The following MEAK7 variants were observed in gnomAD, a reference collection of about 807,000 sequenced individuals.
MEAK7 encodes the protein MTOR associated protein MEAK7.
MEAK7 carries 68 observed loss-of-function variants against 40.5 expected under a neutral mutation model. The observed-to-expected ratio is 1.68, with a 90% CI of 1.38 to 2.06. The LOEUF (loss-of-function observed/expected upper bound fraction) is 2.06, where lower values mean the gene tolerates loss of function less well. Ranked by LOEUF, MEAK7 falls within the 30% of genes most tolerant of loss-of-function variation. MEAK7 has a pLI of 0.00. For missense variants in MEAK7, 918 were observed against 580.5 expected (o/e 1.58, Z -5.98); for synonymous variants, 338 against 231.9 (o/e 1.46, Z -4.16).
At chr16:84,496,510 C>G (rs955691805) in intron 2 of MEAK7, among the ~76,000 whole-genome samples, 2 of 152,174 alleles carry the variant, frequency 1.3e-5, no homozygotes, top group African/African-American at 4.8e-5. Flanking sequence ...AGCCACTCCA[C>G]GTGTGTCCAT....
At chr16:84,494,931 T>A in intron 3 of MEAK7, 4 of 414,752 alleles carry the variant, frequency 9.6e-6, no homozygotes, top group South Asian at 7.1e-5. Context: ...AGAAACTGCC[T>A]TTCCCTTTGT....
intron 2 of MEAK7, chr16:84,497,691 G>T (rs1352424985): frequency 1.4e-6 from 2 of 1,465,132 alleles, no homozygotes; most frequent in African/African-American, 1.4e-5. Flanking sequence ...AACGGGGAGG[G>T]ATGCGTTTAG....
intron 6 of MEAK7, among the ~76,000 whole-genome samples, chr16:84,481,493 G>T (rs923758127): frequency 6.6e-6 from 1 of 152,174 alleles, no homozygotes; most frequent in South Asian, 2.1e-4. Context: ...TTTCCAGAAG[G>T]TGCCAGGTGT....
intron 3 of MEAK7, among the ~76,000 whole-genome samples, chr16:84,495,331 A>G (rs775578137): frequency 6.6e-6 from 1 of 152,218 alleles, no homozygotes; most frequent in African/African-American, 2.4e-5. Flanking sequence ...GATCATATGT[A>G]AAGTGCTGAT....
chr16:84,500,983 T>A (rs370383), intron 1 of MEAK7, among the ~76,000 whole-genome samples: 2 of 151,212 alleles, frequency 1.3e-5, no homozygotes, highest in African/African-American at 4.9e-5. Flanking sequence ...TAATCCCAGC[T>A]ACTTGGGAGG....
chr16:84,482,147 A>C (rs1912613260), intron 6 of MEAK7, among the ~76,000 whole-genome samples: 2 of 152,010 alleles, frequency 1.3e-5, no homozygotes, highest in South Asian at 4.2e-4. Flanking sequence ...AGCTGAAGCG[A>C]GGGCTGGACA....
At chr16:84,480,268 T>C (rs910291225) in intron 7 of MEAK7, among the ~76,000 whole-genome samples, 1 of 152,012 alleles carries the variant, frequency 6.6e-6, no homozygotes, top group African/African-American at 2.4e-5. Flanking sequence ...CTCTTGCAGG[T>C]GGGCAGAGAG....
At chr16:84,483,883 G>A (rs1597927027) in intron 5 of MEAK7, among the ~76,000 whole-genome samples, 1 of 152,184 alleles carries the variant, frequency 6.6e-6, no homozygotes, top group East Asian at 1.9e-4. Context: ...GAGGAAGGAG[G>A]ATAGTTAGGC....
At chr16:84,492,569 T>TTTTTTTTA (rs1555513770) in intron 3 of MEAK7, among the ~76,000 whole-genome samples, 3 of 146,810 alleles carry the variant, frequency 2.0e-5, no homozygotes, top group Non-Finnish European at 4.5e-5. Context: ...AAGTGTTTTA[T>TTTTTTTTA]TTTATTTATT....
intron 6 of MEAK7, among the ~76,000 whole-genome samples, chr16:84,481,535 T>C (rs1350919498): frequency 6.6e-6 from 1 of 152,162 alleles, no homozygotes; most frequent in African/African-American, 2.4e-5. Context: ...CCTCCCTCTC[T>C]CCAGGGCAGC....
At position 84,495,828 on chromosome 16, in the gene MEAK7, T is replaced by C. The variant is rs1913996438; in HGVS notation, c.239A>G (p.Lys80Arg). 6.2e-7 allele frequency: 1 copy of C among 1,614,102 alleles called. No individual in the cohort carries two copies. The highest frequency in any genetic ancestry group is 1.1e-5 in the South Asian group (1 of 91,074). ...CTGGGACACGTTCTCACTGGGTCCC[T>C]TCGCCTTCCCTGTCAGGTCGACCCT... is the stretch of plus-strand genomic sequence containing the variant. ...MRRVDLTGKA[K>R]GPSENVSQEQ... Residue 80 changes from lysine to arginine, a missense_variant, in exon 3 of 8, where the codon AAG becomes AGG. Physicochemically the swap from Lys to Arg is conservative, Grantham distance 26. Coordinates refer to ENST00000343629, the MANE Select transcript of MEAK7 (RefSeq NM_020947.4).
At chr16:84,499,059 G>A (rs1360593209) in intron 1 of MEAK7, among the ~76,000 whole-genome samples, 2 of 152,226 alleles carry the variant, frequency 1.3e-5, no homozygotes, top group African/African-American at 4.8e-5. Flanking sequence ...GACCGTGCCT[G>A]TATGATCCCG....
At chr16:84,500,747 G>T (rs976979520) in intron 1 of MEAK7, among the ~76,000 whole-genome samples, 1 of 152,140 alleles carries the variant, frequency 6.6e-6, no homozygotes. Context: ...GCTGTCCCCA[G>T]CTCTGAAACA....
intron 4 of MEAK7, among the ~76,000 whole-genome samples, chr16:84,488,587 G>GT (rs1942982051): frequency 6.6e-6 from 1 of 152,060 alleles, no homozygotes; most frequent in African/African-American, 2.4e-5. Context: ...ATAATACAAA[G>GT]TATCTTCTCT....
chr16:84,494,945 T>G (rs1440235039), intron 3 of MEAK7: 2 of 401,384 alleles, frequency 5.0e-6, no homozygotes, highest in African/African-American at 4.2e-5. Context: ...CCTTTGTTCC[T>G]AAGCAGACAG....
In MEAK7 at chr16:84,480,722, C is replaced by T. The variant is rs1012053573; in HGVS notation, c.1078-14G>A. 3.7e-6 allele frequency: 6 copies of T among 1,603,472 alleles called. No individual in the cohort carries two copies. Among genetic ancestry groups the T allele is most frequent in the South Asian group, 1.1e-5 (1 of 89,414 alleles). ...CCCCCCCATACCCTGCAAAGGAAGC[C>T]AGGACAGAGAATAGCATCAGCAACT... On this transcript the variant is annotated splice_polypyrimidine_tract_variant and intron_variant, in intron 6 of 7. Transcript: ENST00000343629.
intron 3 of MEAK7, among the ~76,000 whole-genome samples, chr16:84,491,481 GTGA>G (rs1913596353): frequency 6.7e-6 from 1 of 149,036 alleles, no homozygotes; most frequent in Admixed American, 6.8e-5. Flanking sequence ...AGAGGTTGTA[GTGA>G]GCTGAGGTTG....
chr16:84,495,601 G>C, intron 3 of MEAK7, 82 bp downstream of exon 3: 1 of 1,333,220 alleles, frequency 7.5e-7, no homozygotes, highest in Admixed American at 1.8e-5. Flanking sequence ...TCCTCCATGT[G>C]CCATGTAACT....
chr16:84,480,400 C>A, intron 7 of MEAK7, 129 bp downstream of exon 7: 1 of 1,138,234 alleles, frequency 8.8e-7, no homozygotes, highest in Non-Finnish European at 1.2e-6. Flanking sequence ...AAGCCAGCAT[C>A]AGCTACCAGG....
Sources: gnomAD v4.1 joint callset for allele counts (sites outside exome capture counted in the v4.1 genomes callset) on GRCh38, gnomAD v4.1.1 for gene constraint, MANE v1.5 for transcripts, NCBI Gene and HGNC (gene_info 2026-07-23, HGNC 2026-07-21) for gene names.